CPNE8: variants seen among roughly 807,000 people sequenced by gnomAD.
CPNE8 encodes copine 8, also known as copine-8.
Under a neutral mutation model 81.5 loss-of-function variants are expected in CPNE8, and 45 were observed. The observed-to-expected ratio is 0.55, with a 90% CI of 0.44 to 0.71. The LOEUF (loss-of-function observed/expected upper bound fraction) is 0.71, where lower values mean the gene tolerates loss of function less well. Ranked by LOEUF, CPNE8 falls within the 30% of genes least tolerant of loss-of-function variation. The probability of loss-of-function intolerance (pLI) is 0.00; values close to 1 mark genes in which losing one functional copy is unlikely to be tolerated. For synonymous variants in CPNE8, 252 were observed against 226.3 expected, an observed-to-expected ratio of 1.11 and a Z score of -1.02; for missense variants, 594 against 672.1, an observed-to-expected ratio of 0.88 and a Z score of 1.28.
chr12:38,664,185 T>C (rs1457829291), intron 19 of CPNE8, among the ~76,000 whole-genome samples: 1 of 152,082 alleles, frequency 6.6e-6, no homozygotes, highest in Non-Finnish European at 1.5e-5. Flanking sequence ...CTATCCCTGA[T>C]AGAAAAATTA....
chr12:38,705,771 C>A (rs1385983595), intron 13 of CPNE8, among the ~76,000 whole-genome samples: 1 of 151,968 alleles, frequency 6.6e-6, no homozygotes, highest in Non-Finnish European at 1.5e-5. Context: ...GGGTTTGAGT[C>A]CCAGCAACCC....
chr12:38,740,175 T>A (rs1195646581), intron 10 of CPNE8, among the ~76,000 whole-genome samples: 1 of 152,188 alleles, frequency 6.6e-6, no homozygotes, highest in Non-Finnish European at 1.5e-5. Flanking sequence ...GAATGGGAGT[T>A]CACTCATGAT....
At chr12:38,734,646 A>C (rs1444615557) in intron 10 of CPNE8, among the ~76,000 whole-genome samples, 3 of 152,012 alleles carry the variant, frequency 2.0e-5, no homozygotes, top group Non-Finnish European at 2.9e-5. Context: ...TGGGTCCTTA[A>C]GTCTTCACCT....
chr12:38,724,858 AGTATATTTT>A lies in CPNE8; in HGVS notation c.831_839del (p.Lys277_Thr280delinsAsn). The A allele has an allele frequency of 6.8e-7, 1 of 1,479,988 alleles. No individual in the cohort carries two copies. Among genetic ancestry groups the A allele is most frequent in the Non-Finnish European group, 9.4e-7 (1 of 1,067,196 alleles). 91.7% of individuals were successfully genotyped at this position (1,479,988 alleles called of 1,614,324 possible). ...AAATTTGACTTACTGTTCCAGAATT[AGTATATTTT>A]TTCTTTTTTCCTTTCTTTTTGGGAT... On this transcript the variant is annotated inframe_deletion, in exon 12 of 20. Coordinates refer to ENST00000331366, the MANE Select transcript of CPNE8 (RefSeq NM_153634.3).
Position 38,776,239 on chromosome 12 carries a change from C to A in CPNE8, c.470G>T (p.Arg157Met). Residue 157 changes from arginine to methionine, a missense_variant and splice_region_variant, in exon 7 of 20, where the codon AGG becomes ATG. Transcript: ENST00000331366. ...ILTAEELNCC[R>M]DAVLMQFCAN... ...TAAACCAAAGAAATATTTACTTACCCTGCAACAGTTTAATTCCTCTGCTGT... is the reference window on the plus strand; with the variant it reads ...TAAACCAAAGAAATATTTACTTACCATGCAACAGTTTAATTCCTCTGCTGT... 6.5e-7 allele frequency: 1 copy of A among 1,533,070 alleles called. No homozygotes were observed. 95.0% of individuals were successfully genotyped at this position (1,533,070 alleles called of 1,614,324 possible).
chr12:38,836,978 G>A (rs906667794), intron 5 of CPNE8, among the ~76,000 whole-genome samples: 1 of 152,000 alleles, frequency 6.6e-6, no homozygotes, highest in African/African-American at 2.4e-5. Flanking sequence ...CTACTTATAA[G>A]CTCAGGCACT....
chr12:38,755,627 G>A (rs1315714301), intron 10 of CPNE8, among the ~76,000 whole-genome samples: 2 of 152,140 alleles, frequency 1.3e-5, no homozygotes, highest in Non-Finnish European at 2.9e-5. Flanking sequence ...AGAAGTATAG[G>A]AATGATTTTA....
At chr12:38,712,587 A>C (rs1362775025) in intron 13 of CPNE8, among the ~76,000 whole-genome samples, 1 of 152,218 alleles carries the variant, frequency 6.6e-6, no homozygotes, top group Admixed American at 6.5e-5. Context: ...TTAAGTAAAA[A>C]AAATAATCTG....
chr12:38,808,824 A>G (rs1942876742), intron 6 of CPNE8, among the ~76,000 whole-genome samples: 2 of 151,982 alleles, frequency 1.3e-5, no homozygotes, highest in South Asian at 4.1e-4. Context: ...ATTTTGGCAA[A>G]CCACCTCACA....
intron 10 of CPNE8, among the ~76,000 whole-genome samples, chr12:38,745,171 A>T (rs929832526): frequency 6.6e-6 from 1 of 152,196 alleles, no homozygotes; most frequent in East Asian, 1.9e-4. Context: ...CCTCTAATAC[A>T]TTATAACGTA....
At chr12:38,849,955 G>C (rs978341003) in intron 3 of CPNE8, among the ~76,000 whole-genome samples, 2 of 152,074 alleles carry the variant, frequency 1.3e-5, no homozygotes, top group African/African-American at 4.8e-5. Context: ...AAGTCACTTT[G>C]GCTACAAAAT....
intron 7 of CPNE8, among the ~76,000 whole-genome samples, chr12:38,769,793 G>T (rs1266440231): frequency 6.6e-6 from 1 of 152,074 alleles, no homozygotes; most frequent in African/African-American, 2.4e-5. Flanking sequence ...AGGCTCACTG[G>T]TAAATGTAAT....
At chr12:38,722,629 A>G (rs1940594248) in intron 13 of CPNE8, among the ~76,000 whole-genome samples, 1 of 152,164 alleles carries the variant, frequency 6.6e-6, no homozygotes, top group Non-Finnish European at 1.5e-5. Context: ...AAGTTACTAA[A>G]CACATTCAAA....
At chr12:38,722,465 C>T (rs975677416) in intron 13 of CPNE8, among the ~76,000 whole-genome samples, 9 of 152,076 alleles carry the variant, frequency 5.9e-5, no homozygotes, top group African/African-American at 2.2e-4. Context: ...TTTTGTGAAG[C>T]TATCTTTGTT....
chr12:38,793,511 C>T (rs897219353), intron 6 of CPNE8, among the ~76,000 whole-genome samples: 1 of 151,606 alleles, frequency 6.6e-6, no homozygotes, highest in Non-Finnish European at 1.5e-5. Flanking sequence ...ATAAACCTAA[C>T]CAAGAAGTGA....
intron 3 of CPNE8, among the ~76,000 whole-genome samples, chr12:38,855,951 C>G (rs146320934): frequency 2.0e-5 from 3 of 151,584 alleles, no homozygotes; most frequent in African/African-American, 7.3e-5. Flanking sequence ...AATGGACAAG[C>G]CTTTACCTAA....
At chr12:38,720,740 C>T (rs1053689718) in intron 13 of CPNE8, 3 of 152,200 alleles carry the variant, frequency 2.0e-5, no homozygotes, top group Non-Finnish European at 4.4e-5. Context: ...GAGGCACAGC[C>T]GGGGCTGCAT....
chr12:38,797,326 G>C (rs576679513), intron 6 of CPNE8, among the ~76,000 whole-genome samples: 1 of 152,034 alleles, frequency 6.6e-6, no homozygotes, highest in Non-Finnish European at 1.5e-5. Context: ...CACCTCACAC[G>C]GCCAGGTACT....
At chr12:38,894,388 T>C (rs1944356802) in intron 1 of CPNE8, among the ~76,000 whole-genome samples, 1 of 152,118 alleles carries the variant, frequency 6.6e-6, no homozygotes, top group Admixed American at 6.6e-5. Context: ...AGAGAGAAAT[T>C]CACTAGTAAC....
Sources: allele counts gnomAD v4.1 joint callset (sites outside exome capture counted in the v4.1 genomes callset), GRCh38; gene constraint gnomAD v4.1.1; transcripts MANE v1.5; gene names NCBI Gene and HGNC (gene_info 2026-07-23, HGNC 2026-07-21).